Variants in MSRB3 observed in about 807,000 individuals in gnomAD.
MSRB3 encodes methionine sulfoxide reductase B3.
A neutral mutation model predicts 21.0 loss-of-function variants in MSRB3; 13 were observed. That is an observed-to-expected ratio of 0.62 (90% CI 0.40 to 0.98). MSRB3 has a LOEUF of 0.98. Ranked by LOEUF, MSRB3 falls within the 50% of genes least tolerant of loss-of-function variation. The pLI, the probability that MSRB3 is intolerant of heterozygous loss-of-function variation, is 0.00. For missense variants in MSRB3, 199 were observed against 230.3 expected (o/e 0.86, Z 0.88); for synonymous variants, 87 against 88.6 (o/e 0.98, Z 0.10).
At chr12:65,336,458 T>A (rs1875768692) in intron 4 of MSRB3, among the ~76,000 whole-genome samples, 1 of 152,212 alleles carries the variant, frequency 6.6e-6, no homozygotes, top group South Asian at 2.1e-4. Flanking sequence ...ATGTGTATTA[T>A]TTGGGGAAAG....
rs57910895 is a variant in MSRB3, at chr12:65,368,923, A to AC, written c.264-63dup. ...AACTATTACCTCCCCTCCCAACCAC[A>AC]CCCCCCCCCCCCATGAAATAATTGT... On this transcript the variant is annotated intron_variant, in intron 4 of 6. Transcript: ENST00000308259. The AC allele has an allele frequency of 2.8e-3, 578 of 209,776 alleles. 2 individuals carry two copies. The highest frequency in any genetic ancestry group is 4.8e-3 in the African/African-American group (157 of 32,614). The allele number at this position is 209,776 out of a possible 1,614,324, so 13.0% of individuals were successfully genotyped here.
chr12:65,398,982 C>T (rs1879968070), intron 5 of MSRB3, among the ~76,000 whole-genome samples: 1 of 152,104 alleles, frequency 6.6e-6, no homozygotes, highest in Non-Finnish European at 1.5e-5. Flanking sequence ...ATTTTGGTAC[C>T]AGTACCATGC....
chr12:65,288,297 G>A (rs1317246443), intron 1 of MSRB3, among the ~76,000 whole-genome samples: 2 of 141,706 alleles, frequency 1.4e-5, no homozygotes, highest in East Asian at 2.0e-4. Flanking sequence ...GCGAGACCCC[G>A]TCCCCCCCGC....
chr12:65,420,419 TTC>T (rs1198337630), intron 5 of MSRB3, among the ~76,000 whole-genome samples: 1 of 152,018 alleles, frequency 6.6e-6, no homozygotes, highest in African/African-American at 2.4e-5. Context: ...TTTTTTCTAT[TTC>T]TGTTTAATAT....
At chr12:65,364,227 A>G (rs1218184759) in intron 4 of MSRB3, among the ~76,000 whole-genome samples, 1 of 152,168 alleles carries the variant, frequency 6.6e-6, no homozygotes, top group Non-Finnish European at 1.5e-5. Context: ...TTTTGCTTGT[A>G]TCCTTTTGGC....
intron 5 of MSRB3, among the ~76,000 whole-genome samples, chr12:65,406,891 G>A (rs1695347830): frequency 6.6e-6 from 1 of 152,164 alleles, no homozygotes; most frequent in Admixed American, 6.5e-5. Context: ...GTGAGGACCT[G>A]GCACCCGAGG....
At chr12:65,375,339 C>A (rs998568686) in intron 5 of MSRB3, among the ~76,000 whole-genome samples, 6 of 152,180 alleles carry the variant, frequency 3.9e-5, no homozygotes, top group African/African-American at 1.4e-4. Context: ...CCTTATGTCA[C>A]ATACTTACAT....
At chr12:65,279,042 C>T in intron 1 of MSRB3, 177 bp downstream of exon 1, 1 of 1,424,988 alleles carries the variant, frequency 7.0e-7, no homozygotes, top group Non-Finnish European at 9.1e-7. Context: ...TTGCGCCCCG[C>T]GCCAGCGGTG....
intron 1 of MSRB3, among the ~76,000 whole-genome samples, chr12:65,295,930 C>G (rs1463410724): frequency 6.6e-6 from 1 of 152,026 alleles, no homozygotes; most frequent in Admixed American, 6.5e-5. Context: ...GTTATAAGCC[C>G]TAGAACAGAT....
intron 4 of MSRB3, among the ~76,000 whole-genome samples, chr12:65,348,345 T>G (rs1226918834): frequency 2.0e-5 from 3 of 152,222 alleles, no homozygotes; most frequent in Non-Finnish European, 4.4e-5. Flanking sequence ...TTTATCCATT[T>G]CTTCTAGATT....
intron 5 of MSRB3, among the ~76,000 whole-genome samples, chr12:65,405,575 TACTG>T (rs2136612865): frequency 6.6e-6 from 1 of 152,244 alleles, no homozygotes; most frequent in East Asian, 1.9e-4. Flanking sequence ...CTCTTCAACA[TACTG>T]ACTTCATATT....
intron 5 of MSRB3, among the ~76,000 whole-genome samples, chr12:65,373,515 A>ATT (rs568043033): frequency 6.6e-6 from 1 of 150,560 alleles, no homozygotes; most frequent in Admixed American, 6.6e-5. Context: ...CAAAACAAAG[A>ATT]TTTTTTTTTT....
At chr12:65,457,763 A>AC (rs1883156554) in intron 6 of MSRB3, among the ~76,000 whole-genome samples, 1 of 151,464 alleles carries the variant, frequency 6.6e-6, no homozygotes, top group African/African-American at 2.4e-5. Context: ...AAAAAAAAAA[A>AC]CAAACCCATC....
At chr12:65,386,529 A>T (rs1267046160) in intron 5 of MSRB3, among the ~76,000 whole-genome samples, 4 of 151,950 alleles carry the variant, frequency 2.6e-5, no homozygotes, top group African/African-American at 9.7e-5. Context: ...GTTAGGTATC[A>T]TATGGTTAAA....
chr12:65,394,763 G>A (rs1879685838), intron 5 of MSRB3, among the ~76,000 whole-genome samples: 1 of 152,178 alleles, frequency 6.6e-6, no homozygotes, highest in Non-Finnish European at 1.5e-5. Context: ...GGAATGCAAG[G>A]TTGGTTTGAC....
chr12:65,350,099 A>G (rs1192815961), intron 4 of MSRB3, among the ~76,000 whole-genome samples: 11 of 152,058 alleles, frequency 7.2e-5, no homozygotes, highest in African/African-American at 2.4e-4. Flanking sequence ...AGGTGTAAGG[A>G]AGGGATCCAG....
chr12:65,358,300 T>TA (rs1565853109), intron 4 of MSRB3, among the ~76,000 whole-genome samples: 2 of 151,810 alleles, frequency 1.3e-5, no homozygotes, highest in Admixed American at 6.6e-5. Context: ...TATTTTTTTT[T>TA]ATAGAGAAGG....
intron 5 of MSRB3, among the ~76,000 whole-genome samples, chr12:65,438,766 A>G (rs1458942821): frequency 6.6e-6 from 1 of 151,764 alleles, no homozygotes; most frequent in Non-Finnish European, 1.5e-5. Flanking sequence ...ATGGGTCTTT[A>G]TGGAGGAAAT....
At chr12:65,382,702 T>C (rs534954648) in intron 5 of MSRB3, among the ~76,000 whole-genome samples, 96 of 151,876 alleles carry the variant, frequency 6.3e-4, no homozygotes, top group African/African-American at 2.2e-3. Flanking sequence ...TGTTGGGGCT[T>C]TTTTTGTTGT....
Sources: gnomAD v4.1 joint callset for allele counts (sites outside exome capture counted in the v4.1 genomes callset) on GRCh38, gnomAD v4.1.1 for gene constraint, MANE v1.5 for transcripts, NCBI Gene and HGNC (gene_info 2026-07-23, HGNC 2026-07-21) for gene names.